Variants in LAMA5 observed in about 807,000 individuals in gnomAD.
LAMA5 encodes the protein laminin subunit alpha-5.
Under a neutral mutation model 433.4 loss-of-function variants are expected in LAMA5, and 260 were observed. The observed-to-expected ratio is 0.60, with a 90% CI of 0.54 to 0.66. The LOEUF is 0.66. Ranked by LOEUF, LAMA5 falls within the 30% of genes least tolerant of loss-of-function variation. LAMA5 has a pLI of 0.00. For missense variants in LAMA5, 5,378 were observed against 5,258.5 expected (o/e 1.02, Z -0.70); for synonymous variants, 2,620 against 2,226.6 (o/e 1.18, Z -4.97).
chr20:62,316,121 C>CTG (rs1450310722), intron 57 of LAMA5, 63 bp from the exon 58 acceptor site: 1 of 1,138,558 alleles, frequency 8.8e-7, no homozygotes, highest in African/African-American at 1.5e-5. Flanking sequence ...TGCAGCCCAC[C>CTG]TCCACCCTTC....
At chr20:62,327,434 C>G (rs944892) in intron 37 of LAMA5, 28 bp from the exon 38 acceptor site, 3 of 1,592,416 alleles carry the variant, frequency 1.9e-6, no homozygotes, top group Non-Finnish European at 2.6e-6. Context: ...TGGCTGCACA[C>G]GGGTGGATGC....
chr20:62,323,213 C>G (rs62204513), intron 45 of LAMA5, among the ~76,000 whole-genome samples: 2 of 148,630 alleles, frequency 1.3e-5, no homozygotes, highest in Admixed American at 6.7e-5. Context: ...TGTGATGGTC[C>G]GGGGGAGGCC....
intron 16 of LAMA5, chr20:62,337,106 C>T (rs971079149): frequency 2.2e-5 from 13 of 593,532 alleles, no homozygotes; most frequent in East Asian, 2.1e-4. Flanking sequence ...ACCCACTACA[C>T]GTGCACTAAC....
intron 20 of LAMA5, 101 bp from the exon 21 acceptor site, chr20:62,334,722 G>A: frequency 1.5e-6 from 1 of 673,062 alleles, no homozygotes; most frequent in South Asian, 2.3e-5. Flanking sequence ...CTCTCTGGAT[G>A]ATGGAGAGTC....
Position 62,336,424 on chromosome 20 carries a change from G to C in LAMA5, c.2239C>G (p.Arg747Gly). ...LPEAQVPCMC[R>G]AHVEGPSCDR... Reference sequence around the variant, plus strand: ...CAGCTCGGCCCCTCCACGTGAGCCCGGCACATACAGGGAACCTGTGCCTGG... The same window carrying C: ...CAGCTCGGCCCCTCCACGTGAGCCCCGCACATACAGGGAACCTGTGCCTGG... Residue 747 changes from arginine (R) to glycine (G), a missense_variant, in exon 18 of 80, where the codon CGG becomes GGG. By Grantham distance (125) the Arg-to-Gly change is moderately radical (BLOSUM62 -2). Transcript: ENST00000252999. 6.2e-7 allele frequency: 1 copy of C among 1,612,400 alleles called. No homozygotes were observed. Among genetic ancestry groups the C allele is most frequent in the African/African-American group, 1.3e-5 (1 of 75,040 alleles).
At position 62,359,865 on chromosome 20, in the gene LAMA5, C is replaced by T. The variant is rs1252115575; in HGVS notation, c.450+2535G>A. ...CACACCAGGGGTATGAGATCCGAACCGTGATGCAGCCCACCCCGCCCTCCT... is the reference window on the plus strand; with the variant it reads ...CACACCAGGGGTATGAGATCCGAACTGTGATGCAGCCCACCCCGCCCTCCT... On this transcript the variant is annotated intron_variant, in intron 2 of 79. Coordinates refer to ENST00000252999, the MANE Select transcript of LAMA5 (RefSeq NM_005560.6). The surrounding 1 kb of genome is among the most constrained non-coding windows in gnomAD (Gnocchi z 4.3). Among the ~76,000 whole-genome samples the T allele has an allele frequency of 3.9e-5, 6 of 152,180 alleles. No individual in the cohort carries two copies. The highest frequency in any genetic ancestry group is 4.2e-4 in the South Asian group (2 of 4,816).
rs1212436179 is a variant in LAMA5, at chr20:62,327,637, G to A, written c.4830C>T (p.Cys1610=). 1.1e-5 allele frequency: 17 copies of A among 1,613,092 alleles called. No homozygotes were observed. The highest frequency in any genetic ancestry group is 1.3e-5 in the African/African-American group (1 of 74,940). Residue 1610 remains cysteine, a synonymous_variant, in exon 37 of 80, where the codon TGC becomes TGT. Coordinates refer to ENST00000252999, the MANE Select transcript of LAMA5 (RefSeq NM_005560.6). ...CATCCAGTGAGAAGGTCCCAAGGCTGCACTGGTCACATTTGGGGCCCTGCA... is the reference window on the plus strand; with the variant it reads ...CATCCAGTGAGAAGGTCCCAAGGCTACACTGGTCACATTTGGGGCCCTGCA... ...ENVQGPKCDQ[C]SLGTFSLDAA...
At chr20:62,319,617 AC>A in intron 51 of LAMA5, 66 bp downstream of exon 51, 2 of 1,179,002 alleles carry the variant, frequency 1.7e-6, no homozygotes, top group Non-Finnish European at 2.4e-6. Context: ...TCGGCCAGGC[AC>A]CCCCACCCCT....
Position 62,353,292 on chromosome 20 carries a change from G to A in LAMA5, c.451-41C>T, listed in dbSNP as rs199884273. 2.3e-4 allele frequency: 320 copies of A among 1,410,980 alleles called. 1 individual carries two copies. The East Asian group carries it at 7.1e-3, about 31-fold the overall frequency. The allele number at this position is 1,410,980 out of a possible 1,614,324, so 87.4% of individuals were successfully genotyped here. ...GCGTCAGGGGAGCCAGGGGCGCCTG[G>A]ATTCCCATGCTCCCAGGGGCCTGGC... On this transcript the variant is annotated intron_variant, in intron 2 of 79. Transcript: ENST00000252999.
At chr20:62,331,341 G>A (rs1025106838) in intron 28 of LAMA5, among the ~76,000 whole-genome samples, 1 of 148,464 alleles carries the variant, frequency 6.7e-6, no homozygotes, top group African/African-American at 2.5e-5. Context: ...GGGGGGGCCG[G>A]TCACACAGCT....
Position 62,322,666 on chromosome 20 carries a change from G to A in LAMA5, c.6157C>T (p.Arg2053Cys), listed in dbSNP as rs201815547. 1,405 of 1,512,662 alleles carry A rather than the reference G, an allele frequency of 9.3e-4. 3 individuals carry two copies. Among genetic ancestry groups the A allele is most frequent in the South Asian group, 1.8e-3 (153 of 83,272 alleles). The allele number at this position is 1,512,662 out of a possible 1,614,324, so 93.7% of individuals were successfully genotyped here. A position where few individuals can be genotyped will look rare whatever the true frequency, so the allele number is the denominator to read the frequency against. The change falls in exon 46 of 80, where the codon CGC (arginine) becomes TGC (cysteine). Residue 2053 changes from arginine (R) to cysteine (C), a missense_variant. By Grantham distance (180) the Arg-to-Cys change is radical. Transcript: ENST00000252999. Reference sequence around the variant, plus strand: ...TTACCCCACAGCCCTACCTGGCAGCGGTCACAGCGCCGCCCAGTCACGCCC... The same window carrying A: ...TTACCCCACAGCCCTACCTGGCAGCAGTCACAGCGCCGCCCAGTCACGCCC... ...KAGVTGRRCD[R>C]CQEGHFGFDG...
At chr20:62,353,804 C>T (rs1984738099) in intron 2 of LAMA5, among the ~76,000 whole-genome samples, 1 of 152,046 alleles carries the variant, frequency 6.6e-6, no homozygotes, top group South Asian at 2.1e-4. Context: ...GCACCCCTCC[C>T]CAGGCTCTGC....
chr20:62,350,743 AGGG>A (rs1201729395), intron 6 of LAMA5, among the ~76,000 whole-genome samples: 7 of 152,042 alleles, frequency 4.6e-5, no homozygotes, highest in Non-Finnish European at 8.8e-5. Flanking sequence ...CTGCCACCCT[AGGG>A]TGTTACACCC....
chr20:62,348,688 A>C (rs1012318261), intron 6 of LAMA5, among the ~76,000 whole-genome samples: 3 of 152,172 alleles, frequency 2.0e-5, no homozygotes, highest in Non-Finnish European at 2.9e-5. Flanking sequence ...GGCAGATGTG[A>C]AAAAGAACCA....
intron 51 of LAMA5, among the ~76,000 whole-genome samples, chr20:62,319,354 C>T (rs1028667861): frequency 6.6e-6 from 1 of 151,922 alleles, no homozygotes; most frequent in Non-Finnish European, 1.5e-5. Context: ...GCTGGCAGGT[C>T]CTGTTAGGCA....
chr20:62,366,494 G>A (rs983595648), intron 1 of LAMA5, among the ~76,000 whole-genome samples: 3 of 152,214 alleles, frequency 2.0e-5, no homozygotes, highest in Non-Finnish European at 4.4e-5. Context: ...CCTCCGAGAG[G>A]GGCTAGTGGG....
Position 62,334,596 on chromosome 20 carries a change from T to C in LAMA5, c.2508A>G (p.Ala836=), listed in dbSNP as rs1322141568. ...CRSCRCDIGG[A]LGQSCEPRTG... ...TCCTCGGTTCACAGCTCTGGCCCAG[T>C]GCACCGCCAATGTCACACCGGCAGC... The change falls in exon 21 of 80, where the codon GCA becomes GCG. Residue 836 remains alanine (A), a synonymous_variant. Transcript: ENST00000252999. The C allele has an allele frequency of 6.5e-7, 1 of 1,547,882 alleles. No homozygotes were observed.
rs1381746273 is a variant in LAMA5 at position 62,319,027 on chromosome 20, G to T, written c.6872-14C>A. Reference sequence around the variant, plus strand: ...GGGACATGAGCTCTGTGGGGCAGGGGTTCGTCAGAGCCTGGGGCCGCCCGT... The same window carrying T: ...GGGACATGAGCTCTGTGGGGCAGGGTTTCGTCAGAGCCTGGGGCCGCCCGT... On this transcript the variant is annotated splice_polypyrimidine_tract_variant and intron_variant, in intron 51 of 79. Coordinates refer to ENST00000252999, the MANE Select transcript of LAMA5 (RefSeq NM_005560.6). 8 of 1,549,278 alleles carry T rather than the reference G, an allele frequency of 5.2e-6. No individual in the cohort carries two copies. The highest frequency in any genetic ancestry group is 1.7e-4 in the Middle Eastern group (1 of 5,768).
intron 78 of LAMA5, 41 bp downstream of exon 78, chr20:62,309,947 G>C: frequency 1.9e-6 from 3 of 1,606,346 alleles, no homozygotes; most frequent in Non-Finnish European, 2.5e-6. Flanking sequence ...CTGCAGAAGG[G>C]TGGGGGTGGC....
Sources: gnomAD v4.1 joint callset for allele counts (sites outside exome capture counted in the v4.1 genomes callset) on GRCh38, gnomAD v4.1.1 for gene constraint, Gnocchi (gnomAD v3.1) non-coding constraint, MANE v1.5 for transcripts, NCBI Gene and HGNC (gene_info 2026-07-23, HGNC 2026-07-21) for gene names.